PVT1: variants seen among roughly 807,000 people sequenced by gnomAD.
PVT1 encodes the protein Pvt1 oncogene.
intron 2 of PVT1, among the ~76,000 whole-genome samples, chr8:127,813,138 C>T (rs1814617469): frequency 6.9e-6 from 1 of 145,866 alleles, no homozygotes; most frequent in Non-Finnish European, 1.5e-5. Context: ...TTTTGAGACT[C>T]TGTCTCAAAA....
intron 3 of PVT1, among the ~76,000 whole-genome samples, chr8:127,959,248 G>A (rs1206769106): frequency 6.6e-6 from 1 of 152,182 alleles, no homozygotes; most frequent in Non-Finnish European, 1.5e-5. Context: ...CATTTATAAA[G>A]GAATTCTGGT....
chr8:127,905,896 G>A (rs1815814287), intron 3 of PVT1, among the ~76,000 whole-genome samples: 1 of 152,212 alleles, frequency 6.6e-6, no homozygotes, highest in Non-Finnish European at 1.5e-5. Context: ...TGCAGCTGTG[G>A]TCTGAGGCAA....
intron 3 of PVT1, among the ~76,000 whole-genome samples, chr8:127,894,639 T>C (rs1815651621): frequency 1.3e-5 from 2 of 152,228 alleles, no homozygotes; most frequent in Non-Finnish European, 2.9e-5. Flanking sequence ...AAGGCAACAA[T>C]TGGTATGTGC....
At chr8:127,993,017 G>A (rs902642969) in intron 4 of PVT1, among the ~76,000 whole-genome samples, 6 of 152,316 alleles carry the variant, frequency 3.9e-5, no homozygotes, top group South Asian at 4.1e-4. Context: ...GGAACTCTAC[G>A]CTTGAAACAG....
intron 5 of PVT1, among the ~76,000 whole-genome samples, chr8:128,092,088 C>G (rs1814363340): frequency 6.6e-6 from 1 of 152,188 alleles, no homozygotes; most frequent in African/African-American, 2.4e-5. Flanking sequence ...CTCCATCCCA[C>G]CTGGCGGGCC....
At chr8:128,034,985 G>A (rs1386828127) in intron 4 of PVT1, among the ~76,000 whole-genome samples, 1 of 152,240 alleles carries the variant, frequency 6.6e-6, no homozygotes, top group Non-Finnish European at 1.5e-5. Flanking sequence ...CCTGGCATGA[G>A]CAGTAGCTAT....
chr8:127,976,699 G>T (rs1816826131), intron 3 of PVT1, among the ~76,000 whole-genome samples: 1 of 152,154 alleles, frequency 6.6e-6, no homozygotes, highest in Non-Finnish European at 1.5e-5. Flanking sequence ...TGGGGGCTCT[G>T]TATCCTTATC....
At chr8:128,051,275 A>T (rs1813692502) in intron 4 of PVT1, among the ~76,000 whole-genome samples, 1 of 152,214 alleles carries the variant, frequency 6.6e-6, no homozygotes, top group Non-Finnish European at 1.5e-5. Context: ...ATTGCATAAG[A>T]CATAGGTAGC....
At chr8:127,804,770 G>T (rs1186353376) in intron 2 of PVT1, among the ~76,000 whole-genome samples, 5 of 150,746 alleles carry the variant, frequency 3.3e-5, no homozygotes, top group Non-Finnish European at 5.9e-5. Flanking sequence ...TGTTGGCCAG[G>T]CTGGTCTTGA....
intron 4 of PVT1, among the ~76,000 whole-genome samples, chr8:128,001,615 G>A (rs1167519459): frequency 6.6e-6 from 1 of 152,190 alleles, no homozygotes; most frequent in Non-Finnish European, 1.5e-5. Context: ...CCTATGGAAC[G>A]AAAACAGTCC....
chr8:127,926,990 G>A (rs1366607449), intron 3 of PVT1, among the ~76,000 whole-genome samples: 1 of 152,026 alleles, frequency 6.6e-6, no homozygotes, highest in Non-Finnish European at 1.5e-5. Context: ...TCATTCCCCC[G>A]AACATCCTTT....
At chr8:127,902,211 A>G (rs1815767385) in intron 3 of PVT1, among the ~76,000 whole-genome samples, 1 of 151,962 alleles carries the variant, frequency 6.6e-6, no homozygotes, top group Admixed American at 6.6e-5. Context: ...AAAGTCCAAC[A>G]CTCTGGGAAC....
intron 3 of PVT1, among the ~76,000 whole-genome samples, chr8:127,940,619 T>A (rs1254261176): frequency 2.0e-5 from 3 of 151,706 alleles, no homozygotes; most frequent in Non-Finnish European, 4.4e-5. Flanking sequence ...AGGGGCAGTG[T>A]TGAGACAGAG....
At chr8:127,820,978 G>T (rs1458822180) in intron 2 of PVT1, among the ~76,000 whole-genome samples, 2 of 152,112 alleles carry the variant, frequency 1.3e-5, no homozygotes, top group Non-Finnish European at 2.9e-5. Flanking sequence ...CAAAGTGTTG[G>T]GATTACAGAC....
chr8:127,840,702 CA>C (rs1563618766), intron 2 of PVT1, among the ~76,000 whole-genome samples: 1 of 152,250 alleles, frequency 6.6e-6, no homozygotes, highest in African/African-American at 2.4e-5. Context: ...GCTGGACACA[CA>C]AAAGCTTTCT....
chr8:127,863,078 TTTTATTTA>T (rs146647918), intron 2 of PVT1, among the ~76,000 whole-genome samples: 3,929 of 142,120 alleles, frequency 0.028, 185 homozygotes, highest in African/African-American at 0.087. Flanking sequence ...CAGTTGCTAG[TTTTATTTA>T]TTTATTTATT....
At chr8:127,897,293 C>A (rs4733806) in intron 3 of PVT1, among the ~76,000 whole-genome samples, 3 of 152,034 alleles carry the variant, frequency 2.0e-5, no homozygotes, top group East Asian at 1.9e-4. Flanking sequence ...TTCCCTACAG[C>A]GCCTGGTCAG....
chr8:127,907,143 T>C (rs1815832629), intron 3 of PVT1, among the ~76,000 whole-genome samples: 1 of 152,028 alleles, frequency 6.6e-6, no homozygotes, highest in Non-Finnish European at 1.5e-5. Context: ...ATTTTTAATT[T>C]TTTTTGGTAG....
intron 3 of PVT1, among the ~76,000 whole-genome samples, chr8:127,976,945 A>C (rs1816829009): frequency 6.6e-6 from 1 of 152,134 alleles, no homozygotes. Flanking sequence ...CCCACCTGCC[A>C]TCTCTGACAG....
Sources: allele counts gnomAD v4.1 joint callset (sites outside exome capture counted in the v4.1 genomes callset), GRCh38; gene constraint gnomAD v4.1.1; transcripts MANE v1.5; gene names NCBI Gene and HGNC (gene_info 2026-07-23, HGNC 2026-07-21).